Variants in VPS13A observed in about 807,000 individuals in gnomAD.
VPS13A encodes the protein vacuolar protein sorting 13 homolog A, also known as intermembrane lipid transfer protein VPS13A.
In VPS13A, 264 loss-of-function variants were observed where a neutral mutation model predicts 390.9. The observed-to-expected ratio is 0.68, with a 90% CI of 0.61 to 0.75. The LOEUF is 0.75. VPS13A is among the 30% of genes least tolerant of loss of function. The pLI, the probability that VPS13A is intolerant of heterozygous loss-of-function variation, is 0.00. For missense variants in VPS13A, 3,409 were observed against 3,733.9 expected (o/e 0.91, Z 2.27); for synonymous variants, 1,231 against 1,227.1 (o/e 1.00, Z -0.07).
intron 33 of VPS13A, among the ~76,000 whole-genome samples, chr9:77,302,436 G>A (rs1230450494): frequency 2.8e-5 from 4 of 141,438 alleles, no homozygotes; most frequent in South Asian, 4.6e-4. Context: ...GCAGTGGTGC[G>A]ATCTCGGCTC....
At position 77,405,889 on chromosome 9, in the gene VPS13A, A is replaced by G; in HGVS notation, c.9301A>G (p.Thr3101Ala). 1.9e-6 allele frequency: 3 copies of G among 1,613,878 alleles called. No homozygotes were observed. The highest frequency in any genetic ancestry group is 2.5e-6 in the Non-Finnish European group (3 of 1,179,990). ...TGGTGTATTGTTTGTAACAAAGGGA[A>G]CATTTGGACAACTCACGTGTGAGTG... Reference protein sequence around the residue: ...RRGVLFVTKGTFGQLTCEWQY... With the variant: ...RRGVLFVTKGAFGQLTCEWQY... The change falls in exon 70 of 72, where the codon ACA (threonine) becomes GCA (alanine). Residue 3101 changes from threonine (T) to alanine (A), a missense_variant. Physicochemically the swap from Thr to Ala is moderately conservative, Grantham distance 58 (BLOSUM62 0). Around this residue, in one of 5 missense-constraint regions of VPS13A, gnomAD observed 318 missense variants for 333.7 expected, o/e 0.95. Transcript: ENST00000360280.
intron 71 of VPS13A, among the ~76,000 whole-genome samples, chr9:77,408,385 T>C (rs1394660516): frequency 6.6e-6 from 1 of 152,182 alleles, no homozygotes; most frequent in African/African-American, 2.4e-5. Flanking sequence ...GATGGGTCAT[T>C]TCTGCATTTC....
At chr9:77,386,332 T>TA (rs1284340276) in intron 68 of VPS13A, among the ~76,000 whole-genome samples, 1 of 152,242 alleles carries the variant, frequency 6.6e-6, no homozygotes, top group East Asian at 1.9e-4. Flanking sequence ...ATTGGCTTCT[T>TA]ACATTCCAAC....
chr9:77,315,317 A>G lies in VPS13A; in HGVS notation c.4477A>G (p.Arg1493Gly). The G allele has an allele frequency of 6.2e-7, 1 of 1,613,990 alleles. No individual in the cohort carries two copies. Among genetic ancestry groups the G allele is most frequent in the Non-Finnish European group, 8.5e-7 (1 of 1,179,856 alleles). ...GATGGATATAAAGTACAGGAAAGTC[A>G]GAGATGGTTGTGTGACTGATGCGGT... ...DMMDIKYRKV[R>G]DGCVTDAVFQ... Residue 1493 changes from arginine (R) to glycine (G), a missense_variant, in exon 38 of 72, where the codon AGA (arginine) becomes GGA (glycine). Arg to Gly is a moderately radical substitution (Grantham distance 125). Coordinates refer to ENST00000360280, the MANE Select transcript of VPS13A (RefSeq NM_033305.3).
At chr9:77,182,471 C>T (rs575296072) in intron 1 of VPS13A, among the ~76,000 whole-genome samples, 1 of 152,150 alleles carries the variant, frequency 6.6e-6, no homozygotes, top group South Asian at 2.1e-4. Context: ...GAACCTGCCC[C>T]CAGAGATTAT....
chr9:77,376,903 G>C (rs957178090), intron 67 of VPS13A, among the ~76,000 whole-genome samples: 1 of 152,146 alleles, frequency 6.6e-6, no homozygotes, highest in Non-Finnish European at 1.5e-5. Flanking sequence ...GGGGAAATGA[G>C]GAAGACCCAG....
At position 77,260,119 on chromosome 9, in the gene VPS13A, T is replaced by C; in HGVS notation, c.2322T>C (p.Ser774=). Residue 774 remains serine, a synonymous_variant, in exon 23 of 72, where the codon TCT becomes TCC. Coordinates refer to ENST00000360280, the MANE Select transcript of VPS13A (RefSeq NM_033305.3). The part of the protein sequence containing the change: ...FKIYGKLPLI[S]LRISDKKLQG... ...TTTATGGAAAGTTACCTCTTATTTC[T>C]TTACGAATCTCAGATAAAAAACTAC... 6.4e-7 allele frequency: 1 copy of C among 1,559,362 alleles called. No individual in the cohort carries two copies. The highest frequency in any genetic ancestry group is 1.4e-5 in the African/African-American group (1 of 73,738).
Position 77,388,317 on chromosome 9 carries a change from A to G in VPS13A, c.9189+6230A>G, listed in dbSNP as rs190280868. Among the ~76,000 whole-genome samples the G allele has an allele frequency of 2.4e-3, 369 of 152,304 alleles. 1 individual carries two copies. The highest frequency in any genetic ancestry group is 0.01 in the Middle Eastern group (3 of 294). ...ACAGCCAGCATTATACAAAACGTAG[A>G]AAGTCCATCAAAGGAAAGTAAAACA... On this transcript the variant is annotated intron_variant, in intron 68 of 71. Transcript: ENST00000360280.
intron 19 of VPS13A, among the ~76,000 whole-genome samples, chr9:77,242,116 C>T (rs1824532982): frequency 1.3e-5 from 2 of 152,236 alleles, no homozygotes; most frequent in East Asian, 3.9e-4. Context: ...GAGTACACTT[C>T]TAATTGAACT....
Position 77,314,566 on chromosome 9 carries a change from T to C in VPS13A, c.4314T>C (p.Thr1438=), listed in dbSNP as rs2131427638. 1 of 1,610,998 alleles carries C rather than the reference T, an allele frequency of 6.2e-7. No individual in the cohort carries two copies. ...AEFKLENIIS[T]LKMYTDGSTF... is the part of the protein sequence containing the mutation. ...TTAAATTGGAGAATATTATAAGTAC[T>C]TTAAAAATGTATACAGATGGCTCAA... Residue 1438 remains threonine, a synonymous_variant, in exon 37 of 72, where the codon ACT becomes ACC. Transcript: ENST00000360280.
chr9:77,406,733 T>C (rs78992962), intron 70 of VPS13A, among the ~76,000 whole-genome samples: 1 of 135,422 alleles, frequency 7.4e-6, no homozygotes, highest in Non-Finnish European at 1.7e-5. Flanking sequence ...TTTTTTTTTT[T>C]AATTAGAAGA....
At chr9:77,402,259 C>T (rs914268782) in intron 68 of VPS13A, among the ~76,000 whole-genome samples, 1 of 152,108 alleles carries the variant, frequency 6.6e-6, no homozygotes, top group Non-Finnish European at 1.5e-5. Flanking sequence ...AGTTTTTTAA[C>T]TTCTTTCTCA....
intron 70 of VPS13A, among the ~76,000 whole-genome samples, chr9:77,407,149 TA>T (rs1306011814): frequency 1.3e-5 from 2 of 152,206 alleles, no homozygotes; most frequent in Admixed American, 6.5e-5. Context: ...CATGTGCATA[TA>T]TTTTTAACCT....
At chr9:77,356,600 A>G in intron 54 of VPS13A, 114 bp from the exon 55 acceptor site, 2 of 1,177,780 alleles carry the variant, frequency 1.7e-6, no homozygotes, top group South Asian at 2.7e-5. Flanking sequence ...CTCACTTGTA[A>G]TTGAGGCTGT....
At chr9:77,333,418 C>T (rs1830378422) in intron 46 of VPS13A, among the ~76,000 whole-genome samples, 1 of 142,020 alleles carries the variant, frequency 7.0e-6, no homozygotes, top group Non-Finnish European at 1.5e-5. Context: ...TTGGATTTCT[C>T]ATTAGGCATT....
chr9:77,333,769 A>C (rs984842949), intron 46 of VPS13A, among the ~76,000 whole-genome samples: 3 of 152,142 alleles, frequency 2.0e-5, no homozygotes, highest in African/African-American at 7.2e-5. Context: ...GATACAGATA[A>C]ATATAGATGC....
intron 5 of VPS13A, among the ~76,000 whole-genome samples, chr9:77,206,538 A>C (rs1223438084): frequency 6.6e-6 from 1 of 152,060 alleles, no homozygotes; most frequent in Non-Finnish European, 1.5e-5. Flanking sequence ...CTCTGGCTTC[A>C]CATATTTTCC....
chr9:77,225,894 A>G, intron 13 of VPS13A, 32 bp from the exon 14 acceptor site: 1 of 1,541,008 alleles, frequency 6.5e-7, no homozygotes. Flanking sequence ...TTATTTTTGT[A>G]AAGTTAACAC....
At chr9:77,374,299 A>G (rs1832954730) in intron 67 of VPS13A, among the ~76,000 whole-genome samples, 1 of 152,210 alleles carries the variant, frequency 6.6e-6, no homozygotes, top group South Asian at 2.1e-4. Context: ...GCTCAGTAAG[A>G]TATTAACAAT....
Sources: gnomAD v4.1 joint callset for allele counts (sites outside exome capture counted in the v4.1 genomes callset) on GRCh38, gnomAD v4.1.1 for gene constraint, gnomAD v4.1.1 regional missense constraint, MANE v1.5 for transcripts, NCBI Gene and HGNC (gene_info 2026-07-23, HGNC 2026-07-21) for gene names.